Variants in DLG2 observed in about 807,000 individuals in gnomAD.
The protein encoded by DLG2 is discs large MAGUK scaffold protein 2, also known as disks large homolog 2.
DLG2 carries 45 observed loss-of-function variants against 132.5 expected under a neutral mutation model. That is an observed-to-expected ratio of 0.34 (90% CI 0.27 to 0.44). The LOEUF (loss-of-function observed/expected upper bound fraction) is 0.44, where lower values mean the gene tolerates loss of function less well. Ranked by LOEUF, DLG2 falls within the 20% of genes least tolerant of loss-of-function variation. DLG2 has a pLI of 1.00. For synonymous variants in DLG2, 424 were observed against 419.6 expected, an observed-to-expected ratio of 1.01 and a Z score of -0.13; for missense variants, 1,045 against 1,196.9, an observed-to-expected ratio of 0.87 and a Z score of 1.87.
intron 7 of DLG2, among the ~76,000 whole-genome samples, chr11:84,502,202 CCTTCCTTCCTTCCTTCCT>C (rs1451633748): frequency 0.02 from 498 of 24,942 alleles, 148 homozygotes; most frequent in Admixed American, 0.03. Flanking sequence ...CTCTCTCTCT[CCTTCCTTCCTTCCTTCCT>C]TCCTTCCTTC....
intron 7 of DLG2, among the ~76,000 whole-genome samples, chr11:84,357,972 C>CA (rs1757477562): frequency 6.6e-6 from 1 of 151,650 alleles, no homozygotes; most frequent in African/African-American, 2.4e-5. Context: ...TGGAAACAGA[C>CA]AAAAATGAAA....
chr11:84,895,521 T>C (rs1317783540), intron 6 of DLG2, among the ~76,000 whole-genome samples: 2 of 152,206 alleles, frequency 1.3e-5, no homozygotes, highest in South Asian at 2.1e-4. Context: ...AATGATATCA[T>C]AGCTTTGCTT....
At chr11:83,745,674 C>A (rs986226433) in intron 18 of DLG2, among the ~76,000 whole-genome samples, 2 of 151,910 alleles carry the variant, frequency 1.3e-5, no homozygotes, top group African/African-American at 4.8e-5. Context: ...TGGTGGCATG[C>A]ACCTGTAGTC....
intron 19 of DLG2, among the ~76,000 whole-genome samples, chr11:83,549,659 C>A (rs2096336725): frequency 6.6e-6 from 1 of 152,142 alleles, no homozygotes; most frequent in Non-Finnish European, 1.5e-5. Context: ...ATGCTGGGAG[C>A]AGAGAGATCT....
intron 13 of DLG2, 138 bp downstream of exon 13, chr11:83,965,186 A>G: frequency 2.2e-6 from 2 of 889,256 alleles, no homozygotes; most frequent in South Asian, 3.6e-5. Context: ...ATAGGAGTGG[A>G]GTTTAGGATA....
chr11:85,058,646 A>T (rs903817347), intron 6 of DLG2, among the ~76,000 whole-genome samples: 1 of 151,598 alleles, frequency 6.6e-6, no homozygotes, highest in Non-Finnish European at 1.5e-5. Flanking sequence ...CCTTATGTAC[A>T]GTAATTAAGA....
At chr11:84,616,156 C>A (rs2099604097) in intron 6 of DLG2, among the ~76,000 whole-genome samples, 1 of 151,900 alleles carries the variant, frequency 6.6e-6, no homozygotes, top group Non-Finnish European at 1.5e-5. Context: ...ATAAGAAGCA[C>A]AAGAAAGAAT....
At chr11:85,617,929 T>C (rs962422309) in intron 2 of DLG2, among the ~76,000 whole-genome samples, 5 of 152,184 alleles carry the variant, frequency 3.3e-5, no homozygotes, top group Admixed American at 2.0e-4. Context: ...AAAGTTTAAA[T>C]TTAATAATTC....
chr11:84,482,764 C>A (rs771332091), intron 7 of DLG2, among the ~76,000 whole-genome samples: 11 of 152,078 alleles, frequency 7.2e-5, no homozygotes, highest in Non-Finnish European at 1.3e-4. Context: ...TTATCTTATT[C>A]CTAGTTTGCT....
At chr11:84,806,325 A>C (rs999706717) in intron 6 of DLG2, among the ~76,000 whole-genome samples, 13 of 152,212 alleles carry the variant, frequency 8.5e-5, no homozygotes, top group Non-Finnish European at 1.8e-4. Flanking sequence ...CAGATTCAAG[A>C]AGCTGAGCAA....
chr11:83,478,778 T>C (rs949325171), intron 22 of DLG2, among the ~76,000 whole-genome samples: 2 of 152,142 alleles, frequency 1.3e-5, no homozygotes, highest in South Asian at 2.1e-4. Context: ...AATTGAAAAC[T>C]GAACATCAAG....
intron 3 of DLG2, among the ~76,000 whole-genome samples, chr11:85,422,092 G>A (rs1294891356): frequency 6.6e-6 from 1 of 152,162 alleles, no homozygotes; most frequent in East Asian, 1.9e-4. Flanking sequence ...TAGGTTACCT[G>A]GTGCTTTTGT....
chr11:85,563,209 T>A (rs2077349133), intron 3 of DLG2, among the ~76,000 whole-genome samples: 1 of 151,760 alleles, frequency 6.6e-6, no homozygotes, highest in Admixed American at 6.6e-5. Flanking sequence ...TTAAATCAAG[T>A]TTATTGAGGT....
At chr11:83,598,245 T>A (rs570526413) in intron 19 of DLG2, among the ~76,000 whole-genome samples, 1 of 152,392 alleles carries the variant, frequency 6.6e-6, no homozygotes, top group Non-Finnish European at 1.5e-5. Context: ...GCATGTTCTG[T>A]CTGTCCTCTT....
chr11:83,939,396 A>G (rs2082172348), intron 14 of DLG2, among the ~76,000 whole-genome samples: 1 of 152,158 alleles, frequency 6.6e-6, no homozygotes, highest in Admixed American at 6.5e-5. Flanking sequence ...TCATATTCTT[A>G]GCCAGTACTA....
intron 21 of DLG2, among the ~76,000 whole-genome samples, chr11:83,488,681 G>A (rs1383361039): frequency 6.6e-6 from 1 of 151,864 alleles, no homozygotes; most frequent in Non-Finnish European, 1.5e-5. Context: ...TGTTCTCTGG[G>A]CAGAATTTAG....
chr11:85,460,185 G>A (rs1044392057), intron 3 of DLG2, among the ~76,000 whole-genome samples: 2 of 152,164 alleles, frequency 1.3e-5, no homozygotes, highest in African/African-American at 2.4e-5. Flanking sequence ...CAGCCCTCTG[G>A]ATTCAGCCAC....
intron 6 of DLG2, among the ~76,000 whole-genome samples, chr11:84,934,512 TTTGTTTTG>T (rs371364228): frequency 4.3e-5 from 3 of 70,168 alleles, no homozygotes; most frequent in Non-Finnish European, 7.7e-5. Flanking sequence ...GTGTTTTTTT[TTTGTTTTG>T]TTTTGTTTTT....
At chr11:85,112,562 T>A (rs183118538) in intron 5 of DLG2, among the ~76,000 whole-genome samples, 2 of 152,192 alleles carry the variant, frequency 1.3e-5, no homozygotes, top group Admixed American at 6.6e-5. Flanking sequence ...ACTTATAATA[T>A]TAATAATCGC....
Sources: gnomAD v4.1 joint callset for allele counts (sites outside exome capture counted in the v4.1 genomes callset) on GRCh38, gnomAD v4.1.1 for gene constraint, MANE v1.5 for transcripts, NCBI Gene and HGNC (gene_info 2026-07-23, HGNC 2026-07-21) for gene names.